Variants in NALF1 observed in about 807,000 individuals in gnomAD.
NALF1 encodes the protein family with sequence similarity 155 member A.
NALF1 carries 3 observed loss-of-function variants against 48.4 expected under a neutral mutation model. The observed-to-expected ratio is 0.06, with a 90% CI of 0.03 to 0.16. The LOEUF (loss-of-function observed/expected upper bound fraction) is 0.16. Ranked by LOEUF, NALF1 falls within the 10% of genes least tolerant of loss-of-function variation. The pLI is 1.00. For missense variants in NALF1, 526 were observed against 571.5 expected, an observed-to-expected ratio of 0.92 and a Z score of 0.81; for synonymous variants, 262 against 245.7, an observed-to-expected ratio of 1.07 and a Z score of -0.62.
chr13:107,777,428 G>A (rs1877768009), intron 1 of NALF1, among the ~76,000 whole-genome samples: 1 of 152,144 alleles, frequency 6.6e-6, no homozygotes, highest in African/African-American at 2.4e-5. Flanking sequence ...CTGCAATGCT[G>A]GAGGGCCAGC....
chr13:107,797,431 G>T (rs893774372), intron 1 of NALF1, among the ~76,000 whole-genome samples: 12 of 151,998 alleles, frequency 7.9e-5, no homozygotes, highest in Admixed American at 5.2e-4. Context: ...GGATGGTCTC[G>T]ATCTCCTGAC....
chr13:107,419,372 A>G (rs972491500), intron 1 of NALF1, among the ~76,000 whole-genome samples: 4 of 152,276 alleles, frequency 2.6e-5, no homozygotes, highest in South Asian at 4.1e-4. Flanking sequence ...AGTTTTCTGC[A>G]TATAGGCCAT....
At chr13:107,407,826 T>C (rs1388616353) in intron 1 of NALF1, among the ~76,000 whole-genome samples, 2 of 152,112 alleles carry the variant, frequency 1.3e-5, no homozygotes, top group Admixed American at 6.6e-5. Context: ...CTATTCACAA[T>C]AGCTAAGATT....
At chr13:107,390,531 T>C (rs1253313492) in intron 1 of NALF1, among the ~76,000 whole-genome samples, 1 of 152,028 alleles carries the variant, frequency 6.6e-6, no homozygotes, top group Non-Finnish European at 1.5e-5. Context: ...TAAGCAATGA[T>C]ATGTATAAAC....
chr13:107,624,113 G>A (rs1879603842), intron 1 of NALF1, among the ~76,000 whole-genome samples: 1 of 152,118 alleles, frequency 6.6e-6, no homozygotes, highest in Non-Finnish European at 1.5e-5. Flanking sequence ...AACTATGATA[G>A]AGGAAAAATC....
At chr13:107,190,380 C>T (rs545723218) in intron 2 of NALF1, among the ~76,000 whole-genome samples, 9 of 152,282 alleles carry the variant, frequency 5.9e-5, no homozygotes, top group East Asian at 1.9e-4. Context: ...TGTACACTCA[C>T]GCATACACAG....
chr13:107,777,904 G>A (rs2138575720), intron 1 of NALF1, among the ~76,000 whole-genome samples: 1 of 152,170 alleles, frequency 6.6e-6, no homozygotes, highest in Non-Finnish European at 1.5e-5. Flanking sequence ...TTAACAAAAG[G>A]GAAACATATT....
At chr13:107,176,060 A>G (rs551625118) in intron 2 of NALF1, among the ~76,000 whole-genome samples, 2 of 152,314 alleles carry the variant, frequency 1.3e-5, no homozygotes, top group African/African-American at 4.8e-5. Flanking sequence ...TTCCTAGGAA[A>G]GCCTACCTAC....
At chr13:107,543,820 C>T (rs1877062571) in intron 1 of NALF1, among the ~76,000 whole-genome samples, 1 of 151,728 alleles carries the variant, frequency 6.6e-6, no homozygotes, top group South Asian at 2.1e-4. Context: ...CATATATACA[C>T]ATATGTACCC....
chr13:107,431,313 C>A (rs1409707613), intron 1 of NALF1, among the ~76,000 whole-genome samples: 1 of 152,158 alleles, frequency 6.6e-6, no homozygotes, highest in Admixed American at 6.5e-5. Context: ...GAGTGGGTCT[C>A]TCCGTTTGCT....
chr13:107,360,702 T>C (rs17376318), intron 1 of NALF1, among the ~76,000 whole-genome samples: 15,827 of 152,136 alleles, frequency 0.1, 1,199 homozygotes, highest in Non-Finnish European at 0.14. Context: ...CTGAGTATCA[T>C]TGTCACAAAT....
intron 1 of NALF1, among the ~76,000 whole-genome samples, chr13:107,376,731 C>A (rs949767906): frequency 6.6e-6 from 1 of 152,104 alleles, no homozygotes; most frequent in Non-Finnish European, 1.5e-5. Flanking sequence ...AAAAAGAGTC[C>A]ATTTACTAAT....
chr13:107,559,729 GT>G (rs1877588516), intron 1 of NALF1, among the ~76,000 whole-genome samples: 3 of 152,288 alleles, frequency 2.0e-5, no homozygotes, highest in Middle Eastern at 6.8e-3. Flanking sequence ...AAGCTTTAGG[GT>G]TGCTATTTGA....
intron 1 of NALF1, among the ~76,000 whole-genome samples, chr13:107,360,679 G>A (rs1323266748): frequency 6.6e-6 from 1 of 152,008 alleles, no homozygotes; most frequent in African/African-American, 2.4e-5. Context: ...CATATTTTAA[G>A]CATAATTCTC....
At chr13:107,618,330 T>C (rs1879434048) in intron 1 of NALF1, among the ~76,000 whole-genome samples, 2 of 152,322 alleles carry the variant, frequency 1.3e-5, no homozygotes, top group East Asian at 1.9e-4. Context: ...GGAAGGTCAC[T>C]GTGGCTGCAG....
At chr13:107,579,064 G>T (rs1878229436) in intron 1 of NALF1, among the ~76,000 whole-genome samples, 1 of 152,102 alleles carries the variant, frequency 6.6e-6, no homozygotes, top group Non-Finnish European at 1.5e-5. Flanking sequence ...ATGCTTTCAT[G>T]CTAACATTCC....
At chr13:107,835,156 G>T (rs571213573) in intron 1 of NALF1, among the ~76,000 whole-genome samples, 1 of 152,310 alleles carries the variant, frequency 6.6e-6, no homozygotes, top group South Asian at 2.1e-4. Context: ...CAAGATGGTT[G>T]TAAGGATATA....
At chr13:107,696,805 C>G (rs1881711028) in intron 1 of NALF1, among the ~76,000 whole-genome samples, 1 of 152,096 alleles carries the variant, frequency 6.6e-6, no homozygotes, top group South Asian at 2.1e-4. Flanking sequence ...ATGATTTTTG[C>G]TTTTCTAATT....
chr13:107,342,808 G>C (rs1228580096), intron 1 of NALF1, among the ~76,000 whole-genome samples: 1 of 152,128 alleles, frequency 6.6e-6, no homozygotes, highest in Non-Finnish European at 1.5e-5. Flanking sequence ...AAGAGTCAAT[G>C]ACTCAAAAAG....
Sources: gnomAD v4.1 joint callset for allele counts (sites outside exome capture counted in the v4.1 genomes callset) on GRCh38, gnomAD v4.1.1 for gene constraint, MANE v1.5 for transcripts, NCBI Gene and HGNC (gene_info 2026-07-23, HGNC 2026-07-21) for gene names.